PSD3: variants seen among roughly 807,000 people sequenced by gnomAD.
PSD3 encodes PH and SEC7 domain-containing protein 3.
PSD3 carries 49 observed loss-of-function variants against 105.5 expected under a neutral mutation model. The ratio of observed to expected loss-of-function variants is 0.46; its 90% CI spans 0.37 to 0.59. The LOEUF (loss-of-function observed/expected upper bound fraction) is 0.59. Ranked by LOEUF, PSD3 falls within the 20% of genes least tolerant of loss-of-function variation. The probability of loss-of-function intolerance (pLI) is 0.00; values close to 1 mark genes in which losing one functional copy is unlikely to be tolerated. For missense variants in PSD3, 1,561 were observed against 1,263.8 expected (o/e 1.24, Z -3.57); for synonymous variants, 557 against 457.8 (o/e 1.22, Z -2.77).
At chr8:18,559,573 C>T (rs562469256) in intron 14 of PSD3, among the ~76,000 whole-genome samples, 3 of 152,072 alleles carry the variant, frequency 2.0e-5, no homozygotes, top group African/African-American at 7.2e-5. Flanking sequence ...TGATAGAATC[C>T]AGTTTATTTA....
chr8:18,911,319 T>C (rs904948388), intron 2 of PSD3, among the ~76,000 whole-genome samples: 1 of 152,184 alleles, frequency 6.6e-6, no homozygotes, highest in Non-Finnish European at 1.5e-5. Context: ...GCCAGAAGTA[T>C]AGCCTACTTT....
intron 3 of PSD3, among the ~76,000 whole-genome samples, chr8:18,870,955 C>T (rs1408896394): frequency 3.9e-5 from 6 of 152,060 alleles, no homozygotes; most frequent in Admixed American, 3.9e-4. Flanking sequence ...AAAAGTTGGC[C>T]AGGTGTGGTG....
chr8:18,587,548 G>C (rs1053742473), intron 12 of PSD3, among the ~76,000 whole-genome samples: 3 of 151,936 alleles, frequency 2.0e-5, no homozygotes, highest in African/African-American at 7.3e-5. Context: ...CCCTTCTCTT[G>C]CTAAAATGCT....
At chr8:19,060,825 T>C (rs995825545) in intron 1 of PSD3, among the ~76,000 whole-genome samples, 1 of 152,212 alleles carries the variant, frequency 6.6e-6, no homozygotes, top group Non-Finnish European at 1.5e-5. Context: ...AGATGAGACA[T>C]GGAAGCAACC....
intron 9 of PSD3, among the ~76,000 whole-genome samples, chr8:18,757,686 C>T (rs921850727): frequency 6.6e-6 from 1 of 152,140 alleles, no homozygotes; most frequent in African/African-American, 2.4e-5. Context: ...TAGACAATTG[C>T]GATTTTACCA....
chr8:18,933,793 G>A (rs955121315), intron 2 of PSD3, among the ~76,000 whole-genome samples: 4 of 152,130 alleles, frequency 2.6e-5, no homozygotes, highest in African/African-American at 9.7e-5. Flanking sequence ...TCAAAAGTCT[G>A]GGGATAACTA....
intron 2 of PSD3, among the ~76,000 whole-genome samples, chr8:18,893,428 T>C (rs17127413): frequency 0.047 from 7,159 of 152,336 alleles, 205 homozygotes; most frequent in South Asian, 0.082. Context: ...ACTGTACTTA[T>C]CGAGTTGATT....
chr8:18,962,974 G>A (rs1376733535), intron 1 of PSD3, among the ~76,000 whole-genome samples: 1 of 152,184 alleles, frequency 6.6e-6, no homozygotes, highest in African/African-American at 2.4e-5. Context: ...TCACGCTGCT[G>A]ATAAAGACAT....
chr8:18,556,179 A>G (rs1360643598), intron 15 of PSD3, 30 bp downstream of exon 15: 2 of 1,609,652 alleles, frequency 1.2e-6, no homozygotes, highest in Non-Finnish European at 1.7e-6. Context: ...CTCAGAAATC[A>G]GCATTTACTA....
At chr8:18,826,692 C>T (rs933782374) in intron 4 of PSD3, among the ~76,000 whole-genome samples, 3 of 152,150 alleles carry the variant, frequency 2.0e-5, no homozygotes, top group Non-Finnish European at 4.4e-5. Context: ...TTGGCAAAGG[C>T]CCTTTGGAAA....
rs1799784274 is a variant in PSD3, at chr8:18,535,147, C to CT, written c.*595dup. On this transcript the variant is annotated 3_prime_UTR_variant, in exon 16 of 16. Coordinates refer to ENST00000327040, the MANE Select transcript of PSD3 (RefSeq NM_015310.4). ...TCTCAATCCTACGATCTTCACGCTT[C>CT]TTTTCCCTGCTTCCAGCAGGGTCCG... 1 of 153,180 alleles carries CT rather than the reference C, an allele frequency of 6.5e-6. No homozygotes were observed. Among genetic ancestry groups the CT allele is most frequent in the Non-Finnish European group, 1.5e-5 (1 of 68,454 alleles). The allele number at this position is 153,180 out of a possible 1,614,324, so 9.5% of individuals were successfully genotyped here.
chr8:18,855,553 G>A (rs1196130390), intron 4 of PSD3, among the ~76,000 whole-genome samples: 1 of 152,130 alleles, frequency 6.6e-6, no homozygotes, highest in Non-Finnish European at 1.5e-5. Flanking sequence ...AGACAGAAAG[G>A]GACAATCTAG....
rs561174614 is a variant in PSD3 at position 18,671,444 on chromosome 8, A to G, written c.2173-15759T>C. ...TTTATTTGTGAAATCTGGCAACCCT[A>G]TGCCAGCCACAACTCTCTTTCCAAG... is the stretch of plus-strand genomic sequence containing the variant. On this transcript the variant is annotated intron_variant, in intron 9 of 15. Transcript: ENST00000327040. Among the ~76,000 whole-genome samples the G allele has an allele frequency of 1.9e-4, 29 of 152,308 alleles. 1 individual carries two copies. The South Asian group carries it at 5.8e-3, about 30-fold the overall frequency.
intron 10 of PSD3, among the ~76,000 whole-genome samples, chr8:18,649,943 T>A (rs1808351713): frequency 6.6e-6 from 1 of 152,192 alleles, no homozygotes; most frequent in Admixed American, 6.5e-5. Flanking sequence ...GATGCTAGCA[T>A]CATACTTCCT....
intron 1 of PSD3, among the ~76,000 whole-genome samples, chr8:18,975,876 T>C (rs971285161): frequency 6.6e-6 from 1 of 152,140 alleles, no homozygotes; most frequent in East Asian, 1.9e-4. Flanking sequence ...TGTAATATCA[T>C]TGGTTATTGA....
At chr8:19,072,329 C>T (rs143975428) in intron 1 of PSD3, among the ~76,000 whole-genome samples, 6,257 of 152,022 alleles carry the variant, frequency 0.041, 152 homozygotes, top group African/African-American at 0.069. Flanking sequence ...TCACGTGATC[C>T]GCCCACCTCG....
chr8:18,634,543 C>G (rs1200487625), intron 10 of PSD3, among the ~76,000 whole-genome samples: 2 of 152,068 alleles, frequency 1.3e-5, no homozygotes, highest in Admixed American at 1.3e-4. Flanking sequence ...ATTCTAGGAT[C>G]CTATCCATGA....
intron 15 of PSD3, among the ~76,000 whole-genome samples, chr8:18,555,611 C>T (rs899653434): frequency 6.6e-6 from 1 of 152,184 alleles, no homozygotes; most frequent in East Asian, 1.9e-4. Flanking sequence ...TGGAAATATA[C>T]TGTTTTCAAC....
intron 11 of PSD3, among the ~76,000 whole-genome samples, chr8:18,628,657 T>C (rs62500565): frequency 0.12 from 17,480 of 151,944 alleles, 1,279 homozygotes; most frequent in Middle Eastern, 0.19. Flanking sequence ...AGAATTAAAA[T>C]ATAGGACAAC....
Sources: allele counts gnomAD v4.1 joint callset (sites outside exome capture counted in the v4.1 genomes callset), GRCh38; gene constraint gnomAD v4.1.1; transcripts MANE v1.5; gene names NCBI Gene and HGNC (gene_info 2026-07-23, HGNC 2026-07-21).